TULP4: variants seen among roughly 807,000 people sequenced by gnomAD.
TULP4 encodes TUB like protein 4.
A neutral mutation model predicts 129.0 loss-of-function variants in TULP4; 16 were observed. That is an observed-to-expected ratio of 0.12 (90% CI 0.08 to 0.19). The LOEUF is 0.19. TULP4 is among the 10% of genes least tolerant of loss of function. The probability of loss-of-function intolerance (pLI) is 1.00; values close to 1 mark genes in which losing one functional copy is unlikely to be tolerated. For missense variants in TULP4, 1,842 were observed against 2,059.1 expected (o/e 0.89, Z 2.04); for synonymous variants, 998 against 854.0 (o/e 1.17, Z -2.94).
Position 158,503,348 on chromosome 6 carries a change from C to T in TULP4, c.3685C>T (p.Pro1229Ser). ...ACAGGAGCCTGCTGTGGTCCTTCAGCCGCTGTACCCACCCAGCCTCTCCTA... is the reference window on the plus strand; with the variant it reads ...ACAGGAGCCTGCTGTGGTCCTTCAGTCGCTGTACCCACCCAGCCTCTCCTA... ...AQQEPAVVLQ[P>S]LYPPSLSYCT... Residue 1229 changes from proline to serine, a missense_variant, in exon 13 of 14, where the codon CCG (proline) becomes TCG (serine). Pro to Ser is a moderately conservative substitution (Grantham distance 74). Transcript: ENST00000367097. This position sits in a 1 kb window ranked among gnomAD's most constrained non-coding sequence, Gnocchi z 4.3. 1.2e-6 allele frequency: 2 copies of T among 1,613,744 alleles called. No individual in the cohort carries two copies. The highest frequency in any genetic ancestry group is 4.5e-5 in the East Asian group (2 of 44,864).
At chr6:158,240,956 A>G (rs1777885468) in intron 1 of TULP4, among the ~76,000 whole-genome samples, 1 of 138,248 alleles carries the variant, frequency 7.2e-6, no homozygotes, top group African/African-American at 2.6e-5. Flanking sequence ...CAGTCAGGGC[A>G]GCTGCCGGGC....
At chr6:158,242,970 G>A (rs1164305455) in intron 1 of TULP4, among the ~76,000 whole-genome samples, 1 of 152,238 alleles carries the variant, frequency 6.6e-6, no homozygotes, top group African/African-American at 2.4e-5. Flanking sequence ...GTTGTTTTTA[G>A]TAGAGACAGG....
At chr6:158,289,877 A>G (rs1322328078) in intron 1 of TULP4, among the ~76,000 whole-genome samples, 1 of 152,076 alleles carries the variant, frequency 6.6e-6, no homozygotes, top group Non-Finnish European at 1.5e-5. Context: ...CACCATGCCC[A>G]GACTAACATA....
upstream of TULP4, among the ~76,000 whole-genome samples, chr6:158,308,956 G>C (rs1318355871): frequency 5.0e-5 from 7 of 138,776 alleles, no homozygotes; most frequent in Non-Finnish European, 9.5e-5. Flanking sequence ...CCTCCCTCCC[G>C]GACGGGGCGG....
intron 6 of TULP4, 129 bp from the exon 7 acceptor site, chr6:158,479,622 A>T: frequency 1.2e-6 from 1 of 817,674 alleles, no homozygotes; most frequent in Non-Finnish European, 1.9e-6. Context: ...AACATTCTCT[A>T]CTGTGCTTTT....
intron 1 of TULP4, among the ~76,000 whole-genome samples, chr6:158,349,006 TCC>T (rs1181093596): frequency 8.6e-4 from 55 of 63,626 alleles, no homozygotes; most frequent in African/African-American, 3.6e-3. Flanking sequence ...GCAGAGGCGC[TCC>T]TCACTTCCCA....
intron 1 of TULP4, among the ~76,000 whole-genome samples, chr6:158,339,382 C>A (rs925516142): frequency 5.3e-5 from 8 of 152,184 alleles, no homozygotes; most frequent in Non-Finnish European, 8.8e-5. Flanking sequence ...CACTAAAGAA[C>A]TTCTGTGTCC....
chr6:158,343,228 G>T (rs1780224139), intron 1 of TULP4, among the ~76,000 whole-genome samples: 1 of 152,084 alleles, frequency 6.6e-6, no homozygotes, highest in Admixed American at 6.5e-5. Flanking sequence ...CCTGTCAAAG[G>T]GCTGAGCTAG....
chr6:158,372,813 G>A (rs534569084), intron 1 of TULP4, among the ~76,000 whole-genome samples: 1 of 152,246 alleles, frequency 6.6e-6, no homozygotes, highest in African/African-American at 2.4e-5. Flanking sequence ...ACCAGGAAGT[G>A]TAATCTGCAA....
chr6:158,469,889 C>T (rs684833), intron 6 of TULP4, among the ~76,000 whole-genome samples: 1 of 151,766 alleles, frequency 6.6e-6, no homozygotes, highest in African/African-American at 2.4e-5. Context: ...GCTCCCAGAG[C>T]TCCCAAGATG....
intron 2 of TULP4, among the ~76,000 whole-genome samples, chr6:158,422,144 C>A (rs1778358709): frequency 6.6e-6 from 1 of 151,764 alleles, no homozygotes; most frequent in African/African-American, 2.4e-5. Context: ...AAAATTAGTA[C>A]AATAGGGAAA....
At chr6:158,484,804 G>A (rs529680207) in intron 8 of TULP4, among the ~76,000 whole-genome samples, 7 of 152,362 alleles carry the variant, frequency 4.6e-5, no homozygotes, top group South Asian at 2.1e-4. Context: ...GTTATTTAGC[G>A]CGTGCGCCTG....
chr6:158,366,324 G>A (rs1780964137), intron 1 of TULP4, among the ~76,000 whole-genome samples: 1 of 152,116 alleles, frequency 6.6e-6, no homozygotes, highest in African/African-American at 2.4e-5. Context: ...TTTTGCTATT[G>A]TCCTCCCCAG....
intron 1 of TULP4, among the ~76,000 whole-genome samples, chr6:158,411,011 A>T (rs556208248): frequency 6.6e-6 from 1 of 152,228 alleles, no homozygotes; most frequent in South Asian, 2.1e-4. Context: ...GCTGTTGTTC[A>T]AATGCCTTTG....
intron 1 of TULP4, among the ~76,000 whole-genome samples, chr6:158,300,863 G>T (rs1191253932): frequency 6.6e-6 from 1 of 152,200 alleles, no homozygotes; most frequent in Non-Finnish European, 1.5e-5. Context: ...TGGACAATAA[G>T]CTTAGCCTCC....
intron 1 of TULP4, among the ~76,000 whole-genome samples, chr6:158,395,736 G>A (rs201921831): frequency 6.6e-6 from 1 of 151,858 alleles, no homozygotes; most frequent in East Asian, 1.9e-4. Context: ...TGGAAGCCAA[G>A]AGTGGGAACA....
At chr6:158,311,474 A>G (rs868081632), upstream of TULP4, among the ~76,000 whole-genome samples, 1 of 152,362 alleles carries the variant, frequency 6.6e-6, no homozygotes. Flanking sequence ...TGGATTTGCT[A>G]GAGACAGATT....
chr6:158,303,794 A>G (rs887719073), intron 1 of TULP4, among the ~76,000 whole-genome samples: 1 of 152,164 alleles, frequency 6.6e-6, no homozygotes, highest in African/African-American at 2.4e-5. Flanking sequence ...ATACCAAACT[A>G]TTTTCCAGAG....
intron 1 of TULP4, among the ~76,000 whole-genome samples, chr6:158,275,275 G>A (rs1262071596): frequency 2.0e-5 from 3 of 152,194 alleles, no homozygotes; most frequent in Admixed American, 1.3e-4. Context: ...CATTTGCCAC[G>A]GTGTTTGAAC....
Sources: allele counts gnomAD v4.1 joint callset (sites outside exome capture counted in the v4.1 genomes callset), GRCh38; gene constraint gnomAD v4.1.1; non-coding constraint Gnocchi (gnomAD v3.1); transcripts MANE v1.5; gene names NCBI Gene and HGNC (gene_info 2026-07-23, HGNC 2026-07-21).